Variants in ASIP observed in about 807,000 individuals in gnomAD.
The protein encoded by ASIP is agouti signaling protein.
In ASIP, 11 loss-of-function variants were observed where a neutral mutation model predicts 10.3. The observed-to-expected ratio is 1.07, with a 90% CI of 0.68 to 1.78. The LOEUF is 1.78. ASIP is among the 40% of genes most tolerant of loss of function. The pLI is 0.00. For synonymous variants in ASIP, 70 were observed against 70.8 expected, an observed-to-expected ratio of 0.99 and a Z score of 0.06; for missense variants, 180 against 169.2, an observed-to-expected ratio of 1.06 and a Z score of -0.35.
intron 1 of ASIP, among the ~76,000 whole-genome samples, chr20:34,198,123 T>C (rs1184879192): frequency 6.6e-6 from 1 of 150,940 alleles, no homozygotes; most frequent in African/African-American, 2.4e-5. Context: ...AGTGGCGTGA[T>C]CTCAACTCAC....
At chr20:34,207,490 T>A (rs953596321) in intron 1 of ASIP, among the ~76,000 whole-genome samples, 1 of 152,242 alleles carries the variant, frequency 6.6e-6, no homozygotes, top group African/African-American at 2.4e-5. Context: ...ATCTCTTCAC[T>A]TTATGGATTG....
chr20:34,200,233 C>T (rs1289953753), intron 1 of ASIP, among the ~76,000 whole-genome samples: 1 of 152,068 alleles, frequency 6.6e-6, no homozygotes, highest in Non-Finnish European at 1.5e-5. Context: ...TCATTTCACC[C>T]GATGAGCATT....
At chr20:34,193,110 G>A (rs998703034), upstream of ASIP, among the ~76,000 whole-genome samples, 3 of 151,972 alleles carry the variant, frequency 2.0e-5, no homozygotes, top group African/African-American at 7.3e-5. Context: ...CTGTATAGTC[G>A]ACAACTTCCA....
chr20:34,250,722 G>A (rs1214371662), intron 1 of ASIP, among the ~76,000 whole-genome samples: 6 of 152,084 alleles, frequency 3.9e-5, no homozygotes, highest in Non-Finnish European at 8.8e-5. Context: ...GCTTGAACCC[G>A]GGAGGTGGAG....
At chr20:34,253,320 A>C (rs2035511424) in intron 1 of ASIP, among the ~76,000 whole-genome samples, 1 of 151,448 alleles carries the variant, frequency 6.6e-6, no homozygotes, top group Non-Finnish European at 1.5e-5. Flanking sequence ...GTTAGCCAGG[A>C]TGGTCTTGAT....
chr20:34,213,905 C>T, intron 1 of ASIP: 4 of 1,586,962 alleles, frequency 2.5e-6, no homozygotes, highest in Non-Finnish European at 3.4e-6. Flanking sequence ...AATCCAACAG[C>T]ATGGTTGAGA....
intron 1 of ASIP, among the ~76,000 whole-genome samples, chr20:34,222,323 G>A (rs1201053630): frequency 6.6e-6 from 1 of 151,828 alleles, no homozygotes; most frequent in East Asian, 1.9e-4. Context: ...GGCTGTAACT[G>A]CTATGATCTA....
rs1202860197 is a variant in ASIP at position 34,203,441 on chromosome 20, A to AGTG, written c.-11+8681_-11+8682insGTG. ...GAGACACGGTTTCACTCTGTCACTC[A>AGTG]AGCTGGAGTGCAGTGGCATGATTTT... On this transcript the variant is annotated intron_variant, in intron 1 of 3. Transcript: ENST00000568305. Among the ~76,000 whole-genome samples the AGTG allele has an allele frequency of 3.7e-4, 56 of 152,092 alleles. No homozygotes were observed. The South Asian group carries it at 7.5e-3, about 20-fold the overall frequency.
intron 1 of ASIP, among the ~76,000 whole-genome samples, chr20:34,248,557 C>T (rs994737803): frequency 3.9e-5 from 6 of 152,142 alleles, no homozygotes; most frequent in African/African-American, 1.2e-4. Context: ...AATTCCAGCA[C>T]TTTGGGAGGC....
intron 1 of ASIP, among the ~76,000 whole-genome samples, chr20:34,248,160 C>T (rs1027519504): frequency 6.6e-6 from 1 of 151,894 alleles, no homozygotes; most frequent in South Asian, 2.1e-4. Context: ...GAGCCAAGAT[C>T]GCACCACTGC....
At chr20:34,257,326 C>A (rs981879144) in intron 1 of ASIP, among the ~76,000 whole-genome samples, 8 of 152,068 alleles carry the variant, frequency 5.3e-5, no homozygotes, top group Non-Finnish European at 1.2e-4. Context: ...CCCAAGTGAT[C>A]CATTCGCTTC....
At chr20:34,236,062 G>A (rs2035204371) in intron 1 of ASIP, among the ~76,000 whole-genome samples, 1 of 141,082 alleles carries the variant, frequency 7.1e-6, no homozygotes, top group Non-Finnish European at 1.5e-5. Flanking sequence ...AGGAAGGAGA[G>A]AGAGAAAGAA....
At chr20:34,251,029 A>G (rs978104610) in intron 1 of ASIP, among the ~76,000 whole-genome samples, 6 of 152,148 alleles carry the variant, frequency 3.9e-5, no homozygotes, top group African/African-American at 1.4e-4. Context: ...ACGCACGTCA[A>G]CAAGACTCCT....
intron 1 of ASIP, among the ~76,000 whole-genome samples, chr20:34,208,920 GA>G (rs2034955137): frequency 6.6e-6 from 1 of 152,170 alleles, no homozygotes; most frequent in Non-Finnish European, 1.5e-5. Flanking sequence ...GTTCACAGTT[GA>G]AATATAGAAA....
At chr20:34,262,792 C>T (rs1601615439) in intron 2 of ASIP, 40 bp from the exon 3 acceptor site, 1 of 1,612,200 alleles carries the variant, frequency 6.2e-7, no homozygotes. Context: ...TCAACGTCCC[C>T]AGAAACATCT....
At chr20:34,217,955 C>G (rs1028794975) in intron 1 of ASIP, among the ~76,000 whole-genome samples, 1 of 152,232 alleles carries the variant, frequency 6.6e-6, no homozygotes, top group African/African-American at 2.4e-5. Context: ...ACCAGTCTCA[C>G]CTTACTTGGC....
chr20:34,269,117 C>A lies in ASIP; in HGVS notation c.349C>A (p.Arg117Ser). The A allele has an allele frequency of 6.4e-7, 1 of 1,560,454 alleles. No individual in the cohort carries two copies. The highest frequency in any genetic ancestry group is 8.7e-7 in the Non-Finnish European group (1 of 1,152,814). ...CGACCCGTGCGCCTCCTGCCAGTGC[C>A]GCTTCTTCCGCAGCGCCTGCTCCTG... ...CCDPCASCQCRFFRSACSCRV... is the reference protein window; with the variant it reads ...CCDPCASCQCSFFRSACSCRV... Residue 117 changes from arginine (R) to serine (S), a missense_variant, in exon 4 of 4, where the codon CGC (arginine) becomes AGC (serine). Physicochemically the swap from Arg to Ser is moderately radical, Grantham distance 110. Coordinates refer to ENST00000374954, the MANE Select transcript of ASIP (RefSeq NM_001672.3).
chr20:34,187,705 A>G, the ASIP span, among the ~76,000 whole-genome samples: 1 of 152,220 alleles, frequency 6.6e-6, no homozygotes, highest in South Asian at 2.1e-4. Context: ...CCTTTTGGAT[A>G]TGGCAGGTGA....
intron 1 of ASIP, chr20:34,194,773 G>A (rs2034844128): frequency 6.6e-6 from 1 of 152,054 alleles, no homozygotes; most frequent in Admixed American, 6.6e-5. Context: ...GAGCTCCAGG[G>A]AGGGAAGAAG....
Sources: gnomAD v4.1 joint callset for allele counts (sites outside exome capture counted in the v4.1 genomes callset) on GRCh38, gnomAD v4.1.1 for gene constraint, MANE v1.5 for transcripts, NCBI Gene and HGNC (gene_info 2026-07-23, HGNC 2026-07-21) for gene names.